The following FNDC3B variants were observed in gnomAD, a reference collection of about 807,000 sequenced individuals.
The protein encoded by FNDC3B is fibronectin type III domain containing 3B.
A neutral mutation model predicts 151.5 loss-of-function variants in FNDC3B; 12 were observed. The ratio of observed to expected loss-of-function variants is 0.08; its 90% CI spans 0.05 to 0.13. FNDC3B has a LOEUF of 0.13. Ranked by LOEUF, FNDC3B falls within the 10% of genes least tolerant of loss-of-function variation. The pLI is 1.00. For missense variants in FNDC3B, 1,214 were observed against 1,505.3 expected (o/e 0.81, Z 3.20); for synonymous variants, 528 against 549.0 (o/e 0.96, Z 0.54).
At chr3:172,364,470 C>T (rs1734513755) in intron 23 of FNDC3B, among the ~76,000 whole-genome samples, 2 of 152,210 alleles carry the variant, frequency 1.3e-5, no homozygotes, top group South Asian at 2.1e-4. Context: ...CCCAATTCCC[C>T]GTGCCCTGCC....
intron 3 of FNDC3B, among the ~76,000 whole-genome samples, chr3:172,167,271 C>A (rs977636983): frequency 1.3e-5 from 2 of 152,290 alleles, no homozygotes; most frequent in Non-Finnish European, 2.9e-5. Flanking sequence ...TGGTGCACAC[C>A]TGTAGTCCTA....
chr3:172,326,704 A>G (rs1464997845), intron 11 of FNDC3B, among the ~76,000 whole-genome samples: 3 of 152,142 alleles, frequency 2.0e-5, no homozygotes, highest in Admixed American at 6.5e-5. Flanking sequence ...GCTCTCTTAA[A>G]AGTCATTTCT....
chr3:172,343,748 T>C (rs1733459827), intron 18 of FNDC3B, among the ~76,000 whole-genome samples: 1 of 152,208 alleles, frequency 6.6e-6, no homozygotes, highest in East Asian at 1.9e-4. Flanking sequence ...TAGCATGACC[T>C]TTGGTTTCCA....
At chr3:172,362,572 G>A (rs964389033) in intron 22 of FNDC3B, 61 bp from the exon 23 acceptor site, 16 of 1,221,006 alleles carry the variant, frequency 1.3e-5, no homozygotes, top group African/African-American at 1.2e-4. Flanking sequence ...TGTTTATTTC[G>A]AATGAAGAAT....
At chr3:172,208,984 G>A (rs1725576481) in intron 3 of FNDC3B, among the ~76,000 whole-genome samples, 1 of 152,170 alleles carries the variant, frequency 6.6e-6, no homozygotes, top group Non-Finnish European at 1.5e-5. Flanking sequence ...GCGCCTGAAA[G>A]CTTGGAGATG....
chr3:172,097,540 A>T (rs1719152090), intron 1 of FNDC3B, among the ~76,000 whole-genome samples: 1 of 152,244 alleles, frequency 6.6e-6, no homozygotes, highest in African/African-American at 2.4e-5. Context: ...TTATATCATT[A>T]TACAAATTAT....
chr3:172,270,919 C>G (rs1729172485), intron 6 of FNDC3B, among the ~76,000 whole-genome samples: 1 of 152,190 alleles, frequency 6.6e-6, no homozygotes. Context: ...GCCAGTCTTG[C>G]ACAGCATGTA....
chr3:172,328,725 C>A (rs188979838), intron 11 of FNDC3B, among the ~76,000 whole-genome samples: 2 of 152,248 alleles, frequency 1.3e-5, no homozygotes, highest in East Asian at 3.9e-4. Flanking sequence ...TTACCTGTCT[C>A]AATTACAGAA....
At chr3:172,257,033 G>A (rs1427830170) in intron 6 of FNDC3B, among the ~76,000 whole-genome samples, 13 of 151,908 alleles carry the variant, frequency 8.6e-5, no homozygotes, top group African/African-American at 2.4e-5. Context: ...CAGGTTATAA[G>A]CAATTCTCCT....
chr3:172,283,452 A>C (rs1729843878), intron 6 of FNDC3B, among the ~76,000 whole-genome samples: 2 of 152,068 alleles, frequency 1.3e-5, no homozygotes, highest in African/African-American at 2.4e-5. Flanking sequence ...AGATCCCTTT[A>C]ATTCTTCCCT....
chr3:172,258,000 A>G (rs529883843), intron 6 of FNDC3B, among the ~76,000 whole-genome samples: 5 of 152,166 alleles, frequency 3.3e-5, no homozygotes, highest in Admixed American at 6.5e-5. Flanking sequence ...AAGTTGAAGT[A>G]TGTTCCTTGT....
intron 11 of FNDC3B, among the ~76,000 whole-genome samples, chr3:172,314,029 A>G (rs1731655404): frequency 6.6e-6 from 1 of 152,232 alleles, no homozygotes; most frequent in African/African-American, 2.4e-5. Context: ...GTCTGTAGGA[A>G]GTGTGAACAC....
chr3:172,334,378 C>T (rs190999880), intron 14 of FNDC3B, among the ~76,000 whole-genome samples: 4 of 142,258 alleles, frequency 2.8e-5, no homozygotes, highest in African/African-American at 1.0e-4. Context: ...TGATGACATA[C>T]TTGTTTTATC....
chr3:172,386,127 C>T (rs1273299346), intron 25 of FNDC3B, among the ~76,000 whole-genome samples: 2 of 152,178 alleles, frequency 1.3e-5, no homozygotes, highest in Admixed American at 6.5e-5. Flanking sequence ...ATTCCAAGCA[C>T]AGCTTTTTTT....
chr3:172,107,463 G>A (rs556447309), intron 1 of FNDC3B, among the ~76,000 whole-genome samples: 8 of 152,160 alleles, frequency 5.3e-5, no homozygotes, highest in East Asian at 1.9e-4. Flanking sequence ...TCACATCTCC[G>A]TGGTGTGTTG....
At chr3:172,199,901 C>T (rs1221196220) in intron 3 of FNDC3B, among the ~76,000 whole-genome samples, 1 of 152,188 alleles carries the variant, frequency 6.6e-6, no homozygotes. Context: ...ACACAGTTTA[C>T]AAACAAACAA....
intron 23 of FNDC3B, among the ~76,000 whole-genome samples, chr3:172,376,992 ACCTTG>A (rs1735181122): frequency 6.6e-6 from 1 of 152,100 alleles, no homozygotes; most frequent in South Asian, 2.1e-4. Context: ...GCTTCAGAAA[ACCTTG>A]CCCACACTCA....
chr3:172,226,808 A>G (rs1048955131), intron 3 of FNDC3B, 63 bp from the exon 4 acceptor site: 6 of 1,080,924 alleles, frequency 5.6e-6, no homozygotes, highest in Admixed American at 5.1e-5. Context: ...TACATTGAAA[A>G]CATTAATTAT....
chr3:172,385,709 C>T (rs1735678882), intron 25 of FNDC3B, among the ~76,000 whole-genome samples: 1 of 152,026 alleles, frequency 6.6e-6, no homozygotes. Context: ...CAGGCACCCG[C>T]CACCACACCT....
Sources: gnomAD v4.1 joint callset for allele counts (sites outside exome capture counted in the v4.1 genomes callset) on GRCh38, gnomAD v4.1.1 for gene constraint, MANE v1.5 for transcripts, NCBI Gene and HGNC (gene_info 2026-07-23, HGNC 2026-07-21) for gene names.